The following RANBP3L variants were observed in gnomAD, a reference collection of about 807,000 sequenced individuals.
RANBP3L encodes the protein RAN binding protein 3 like.
In RANBP3L, 56 loss-of-function variants were observed where a neutral mutation model predicts 67.2. The observed-to-expected ratio is 0.83, with a 90% CI of 0.67 to 1.04. RANBP3L has a LOEUF of 1.04. Among genes scored for constraint, RANBP3L ranks in the 50% least tolerant of loss-of-function variants. RANBP3L has a pLI of 0.00. For synonymous variants in RANBP3L, 164 were observed against 181.4 expected, an observed-to-expected ratio of 0.90 and a Z score of 0.77; for missense variants, 496 against 535.5, an observed-to-expected ratio of 0.93 and a Z score of 0.73.
chr5:36,273,589 C>A (rs1273175252), intron 1 of RANBP3L, among the ~76,000 whole-genome samples: 4 of 152,120 alleles, frequency 2.6e-5, no homozygotes, highest in Non-Finnish European at 4.4e-5. Flanking sequence ...GATGCTCTCC[C>A]CTTCTCCCAA....
At chr5:36,299,333 A>ATGTG (rs1387105784) in intron 1 of RANBP3L, among the ~76,000 whole-genome samples, 1 of 130,738 alleles carries the variant, frequency 7.6e-6, no homozygotes. Context: ...ACACATACAT[A>ATGTG]TATGTGTGTG....
chr5:36,269,040 T>TTACAAA (rs1225792680), intron 4 of RANBP3L, among the ~76,000 whole-genome samples: 59 of 152,260 alleles, frequency 3.9e-4, no homozygotes, highest in Admixed American at 1.5e-3. Context: ...CCTTTTCTCC[T>TTACAAA]GCTTACAAAG....
chr5:36,256,859 T>G, intron 10 of RANBP3L, 82 bp downstream of exon 10: 1 of 1,306,108 alleles, frequency 7.7e-7, no homozygotes, highest in Non-Finnish European at 1.1e-6. Context: ...TCTGTCTGTA[T>G]TTTTAAAGAT....
At chr5:36,268,329 G>C in intron 4 of RANBP3L, 1 of 1,246,014 alleles carries the variant, frequency 8.0e-7, no homozygotes, top group Non-Finnish European at 1.1e-6. Flanking sequence ...GTTTTCATTT[G>C]GAGTTTTGCT....
intron 1 of RANBP3L, among the ~76,000 whole-genome samples, chr5:36,282,746 G>T (rs867901538): frequency 6.6e-6 from 1 of 152,092 alleles, no homozygotes; most frequent in Non-Finnish European, 1.5e-5. Flanking sequence ...TCCAAAGCCC[G>T]ACTAGCCCAG....
intron 1 of RANBP3L, among the ~76,000 whole-genome samples, chr5:36,284,007 G>A (rs1368308041): frequency 2.0e-5 from 3 of 151,102 alleles, no homozygotes; most frequent in Non-Finnish European, 4.4e-5. Flanking sequence ...TTTTGAGATG[G>A]AGTTTCACTC....
rs76430247 is a variant in RANBP3L at position 36,297,036 on chromosome 5, T to G, written c.91+4290A>C. Among the ~76,000 whole-genome samples the G allele has an allele frequency of 0.012, 1,880 of 152,244 alleles. 167 individuals are homozygous for G. The East Asian group carries it at 0.23, about 18-fold the overall frequency. ...CTCTCTCTTCTCTCTCTCTATTCTC[T>G]CTCGTTAAAATTTTGCATATAACTT... On this transcript the variant is annotated intron_variant, in intron 1 of 13. Transcript: ENST00000296604.
chr5:36,251,302 A>C lies in RANBP3L; in HGVS notation c.1354+11T>G, dbSNP rs1410800432. 1 of 1,601,094 alleles carries C rather than the reference A, an allele frequency of 6.2e-7. No individual in the cohort carries two copies. The highest frequency in any genetic ancestry group is 8.5e-7 in the Non-Finnish European group (1 of 1,172,526). On this transcript the variant is annotated intron_variant, in intron 13 of 13. Transcript: ENST00000296604. ...TTAAACCTCTGAACTAACAAAACAA[A>C]AGCTATTTACCTGATCCATTTTTAG...
intron 12 of RANBP3L, among the ~76,000 whole-genome samples, chr5:36,252,925 A>G (rs1748698779): frequency 6.6e-6 from 1 of 152,066 alleles, no homozygotes; most frequent in Non-Finnish European, 1.5e-5. Flanking sequence ...ATGGAAGCCA[A>G]TTTATTTGTA....
Position 36,271,302 on chromosome 5 carries a change from A to G in RANBP3L, c.101T>C (p.Val34Ala), listed in dbSNP as rs751764442. ...QEDRRQQEKS[V>A]IAQPIFVFEK... ...AAAAACAAATATGGGTTGAGCAATG[A>G]CAGATTTTTCTGTGAAAAAAAAGAA... The change falls in exon 2 of 14, where the codon GTC becomes GCC. Residue 34 changes from valine (V) to alanine (A), a missense_variant. By Grantham distance (64) the Val-to-Ala change is moderately conservative. Coordinates refer to ENST00000296604, the MANE Select transcript of RANBP3L (RefSeq NM_145000.5). 4 of 1,583,502 alleles carry G rather than the reference A, an allele frequency of 2.5e-6. No homozygotes were observed. The highest frequency in any genetic ancestry group is 1.1e-5 in the South Asian group (1 of 89,528).
At chr5:36,268,262 T>C in intron 4 of RANBP3L, 7 of 1,532,010 alleles carry the variant, frequency 4.6e-6, no homozygotes, top group Non-Finnish European at 6.2e-6. Context: ...TGAGACAAGG[T>C]TGACACTAAA....
At position 36,301,459 on chromosome 5, in the gene RANBP3L, C is replaced by T. The variant is rs754812157; in HGVS notation, c.-43G>A. The T allele has an allele frequency of 1.1e-5, 16 of 1,494,418 alleles. No individual in the cohort carries two copies. Among genetic ancestry groups the T allele is most frequent in the Non-Finnish European group, 1.4e-5 (15 of 1,075,960 alleles). 92.6% of individuals were successfully genotyped at this position (1,494,418 alleles called of 1,614,324 possible). Reference sequence around the variant, plus strand: ...TGTGACTCAAGGATCACTAGGGCACCTCCTTCTCTGGCCAGTCACCTAAAG... The same window carrying T: ...TGTGACTCAAGGATCACTAGGGCACTTCCTTCTCTGGCCAGTCACCTAAAG... On this transcript the variant is annotated 5_prime_UTR_variant, in exon 1 of 14. Coordinates refer to ENST00000296604, the MANE Select transcript of RANBP3L (RefSeq NM_145000.5).
intron 1 of RANBP3L, among the ~76,000 whole-genome samples, chr5:36,271,742 A>G (rs138312375): frequency 6.6e-6 from 1 of 152,322 alleles, no homozygotes; most frequent in Non-Finnish European, 1.5e-5. Flanking sequence ...GCATTGCATT[A>G]CAACCTTAAA....
intron 7 of RANBP3L, among the ~76,000 whole-genome samples, chr5:36,261,226 C>T (rs942682662): frequency 6.6e-6 from 1 of 152,088 alleles, no homozygotes; most frequent in East Asian, 1.9e-4. Flanking sequence ...TTTTAGCAAC[C>T]AGAGATCTCC....
rs186070740 is a variant in RANBP3L, at chr5:36,265,626, T to C, written c.269-106A>G. On this transcript the variant is annotated intron_variant, in intron 4 of 13. Coordinates refer to ENST00000296604, the MANE Select transcript of RANBP3L (RefSeq NM_145000.5). ...CCGAACTCACCAGCAGATGTCGCAA[T>C]TGGCACTAACAGAGTAGTAGGTAGT... 295 of 632,980 alleles carry C rather than the reference T, an allele frequency of 4.7e-4. 1 individual carries two copies. The East Asian group carries it at 7.1e-3, about 15-fold the overall frequency. 39.2% of individuals were successfully genotyped at this position (632,980 alleles called of 1,614,324 possible).
In RANBP3L at chr5:36,260,785, C is replaced by T. The variant is rs1453180990; in HGVS notation, c.664G>A (p.Val222Ile). The T allele has an allele frequency of 6.7e-7, 1 of 1,490,384 alleles. No individual in the cohort carries two copies. The highest frequency in any genetic ancestry group is 1.2e-5 in the South Asian group (1 of 85,944). 92.3% of individuals were successfully genotyped at this position (1,490,384 alleles called of 1,614,324 possible). The change falls in exon 8 of 14, where the codon GTT (valine) becomes ATT (isoleucine). Residue 222 changes from valine to isoleucine, a missense_variant. Physicochemically the swap from Val to Ile is conservative, Grantham distance 29 (BLOSUM62 3). Transcript: ENST00000296604. ...FVFGENMVERVLGTQKLTQPQ... is the reference protein window; with the variant it reads ...FVFGENMVERILGTQKLTQPQ... The stretch of plus-strand genomic sequence containing the variant: ...AACATATACCAAAATCTTACCAAAA[C>T]TCTTTCTACCATGTTTTCTCCAAAA...
In RANBP3L at chr5:36,255,892, AGAGATATTTG is replaced by A. The variant is rs1748943272; in HGVS notation, c.904-312_904-303del. Among the ~76,000 whole-genome samples the A allele has an allele frequency of 4.6e-5, 7 of 152,134 alleles. 1 individual carries two copies. Among genetic ancestry groups the A allele is most frequent in the Admixed American group, 3.9e-4 (6 of 15,260 alleles). ...GTGTAAATATTTTGTTTATCTTTCC[AGAGATATTTG>A]TACATACATACATGCCAATACATAT... On this transcript the variant is annotated intron_variant, in intron 10 of 13. Transcript: ENST00000296604.
intron 1 of RANBP3L, among the ~76,000 whole-genome samples, chr5:36,294,990 A>G (rs1332734835): frequency 6.6e-6 from 1 of 150,510 alleles, no homozygotes; most frequent in Non-Finnish European, 1.5e-5. Flanking sequence ...ACACACACAT[A>G]TATATACACA....
chr5:36,274,515 G>T (rs916204645), intron 1 of RANBP3L, among the ~76,000 whole-genome samples: 6 of 152,062 alleles, frequency 3.9e-5, no homozygotes, highest in African/African-American at 1.4e-4. Context: ...TCTGAGGAAG[G>T]CTGGAGCTTG....
Sources: gnomAD v4.1 joint callset for allele counts (sites outside exome capture counted in the v4.1 genomes callset) on GRCh38, gnomAD v4.1.1 for gene constraint, MANE v1.5 for transcripts, NCBI Gene and HGNC (gene_info 2026-07-23, HGNC 2026-07-21) for gene names.